Variants in RALA observed in about 807,000 individuals in gnomAD.
The protein encoded by RALA is ras-related protein Ral-A.
RALA carries 5 observed loss-of-function variants against 24.0 expected under a neutral mutation model. The observed-to-expected ratio is 0.21, with a 90% CI of 0.11 to 0.44. RALA has a LOEUF of 0.44. Ranked by LOEUF, RALA falls within the 20% of genes least tolerant of loss-of-function variation. The probability of loss-of-function intolerance (pLI) is 0.99; values close to 1 mark genes in which losing one functional copy is unlikely to be tolerated. For missense variants in RALA, 95 were observed against 241.2 expected (o/e 0.39, Z 4.01); for synonymous variants, 77 against 83.8 (o/e 0.92, Z 0.44).
At chr7:39,641,132 AG>A (rs1385173380) in intron 1 of RALA, among the ~76,000 whole-genome samples, 4 of 151,974 alleles carry the variant, frequency 2.6e-5, no homozygotes, top group Non-Finnish European at 5.9e-5. Flanking sequence ...TGGGGTAAGG[AG>A]GGGAAGGGGT....
At chr7:39,624,300 GTTTGTTTGTGT>G (rs1791438232) in intron 1 of RALA, 1 of 112,702 alleles carries the variant, frequency 8.9e-6, no homozygotes, top group Admixed American at 9.3e-5. Context: ...TGTTTGTTTT[GTTTGTTTGTGT>G]TTTTTTTTTT....
intron 1 of RALA, among the ~76,000 whole-genome samples, chr7:39,655,764 ATT>A (rs778647744): frequency 2.0e-5 from 3 of 152,260 alleles, no homozygotes; most frequent in South Asian, 4.1e-4. Context: ...ACTTGGTATC[ATT>A]GTTTCACTTT....
intron 1 of RALA, among the ~76,000 whole-genome samples, chr7:39,635,911 A>G (rs535058488): frequency 1.3e-5 from 2 of 152,302 alleles, no homozygotes; most frequent in African/African-American, 4.8e-5. Flanking sequence ...CCTGCTCTAC[A>G]GACTTGCCTA....
intron 1 of RALA, among the ~76,000 whole-genome samples, chr7:39,681,633 A>G (rs1444819722): frequency 6.6e-6 from 1 of 151,860 alleles, no homozygotes; most frequent in Non-Finnish European, 1.5e-5. Context: ...CGATTACTAG[A>G]TCTCCTGCTG....
chr7:39,664,348 T>G (rs1372592804), intron 1 of RALA, among the ~76,000 whole-genome samples: 1 of 152,210 alleles, frequency 6.6e-6, no homozygotes, highest in Admixed American at 6.5e-5. Context: ...TTTTCTGGAT[T>G]GCTTTCATCA....
At chr7:39,644,662 T>TA (rs1791894559) in intron 1 of RALA, among the ~76,000 whole-genome samples, 2 of 152,242 alleles carry the variant, frequency 1.3e-5, no homozygotes, top group Non-Finnish European at 2.9e-5. Context: ...TATTTTGCCA[T>TA]AAACAGAGTA....
chr7:39,643,899 T>C (rs1791882004), intron 1 of RALA, among the ~76,000 whole-genome samples: 1 of 152,152 alleles, frequency 6.6e-6, no homozygotes, highest in East Asian at 1.9e-4. Context: ...AGAAAGAATA[T>C]GCAGTGCTGA....
intron 1 of RALA, among the ~76,000 whole-genome samples, chr7:39,631,044 G>A (rs1236477815): frequency 4.8e-5 from 7 of 146,918 alleles, no homozygotes; most frequent in Non-Finnish European, 7.4e-5. Context: ...GTTTCACTGT[G>A]TCACCCAGGC....
chr7:39,682,874 A>C (rs1488887024), intron 1 of RALA, among the ~76,000 whole-genome samples: 2 of 152,138 alleles, frequency 1.3e-5, no homozygotes, highest in African/African-American at 4.8e-5. Context: ...TCCTGACCTC[A>C]AGTGATCCGC....
At chr7:39,630,210 ATTTTTT>A (rs57399698) in intron 1 of RALA, among the ~76,000 whole-genome samples, 2 of 100,930 alleles carry the variant, frequency 2.0e-5, no homozygotes, top group African/African-American at 3.9e-5. Context: ...TGCCTTGCTA[ATTTTTT>A]TTTTTTTTTT....
At chr7:39,643,742 G>C (rs1562609654) in intron 1 of RALA, among the ~76,000 whole-genome samples, 3 of 152,064 alleles carry the variant, frequency 2.0e-5, no homozygotes, top group Non-Finnish European at 4.4e-5. Flanking sequence ...TGTAATCCCA[G>C]CCATCTCAGG....
chr7:39,684,138 C>T (rs1187636596), intron 1 of RALA, among the ~76,000 whole-genome samples: 1 of 152,142 alleles, frequency 6.6e-6, no homozygotes, highest in Non-Finnish European at 1.5e-5. Context: ...GATAAGCACT[C>T]ACAATCTAAT....
chr7:39,683,175 T>C (rs1792636213), intron 1 of RALA, among the ~76,000 whole-genome samples: 1 of 152,096 alleles, frequency 6.6e-6, no homozygotes, highest in African/African-American at 2.4e-5. Flanking sequence ...TAAATTTCTT[T>C]TTAAAAAATA....
intron 1 of RALA, among the ~76,000 whole-genome samples, chr7:39,668,990 T>C (rs918103791): frequency 3.3e-5 from 5 of 151,958 alleles, no homozygotes; most frequent in Non-Finnish European, 7.4e-5. Context: ...GGCGGTTGCC[T>C]GTAGTCCCAG....
rs529152584 is a variant in RALA, at chr7:39,688,908, G to A, written c.115-1474G>A. Among the ~76,000 whole-genome samples the A allele has an allele frequency of 2.0e-5, 3 of 152,290 alleles. No homozygotes were observed. In the East Asian group the frequency reaches 5.8e-4, roughly 29 times the overall value. On this transcript the variant is annotated intron_variant, in intron 2 of 4. Coordinates refer to ENST00000005257, the MANE Select transcript of RALA (RefSeq NM_005402.4). The stretch of plus-strand genomic sequence containing the variant: ...GAGGCTTCAGGAGACCTGCAATTGT[G>A]GCAGAGGGTGAAGGGAAAGCAAGTG...
chr7:39,637,514 T>G (rs1004853952), intron 1 of RALA, among the ~76,000 whole-genome samples: 10 of 152,236 alleles, frequency 6.6e-5, no homozygotes, highest in African/African-American at 2.4e-4. Context: ...TTGTAAAGCT[T>G]TAAGTGGTTC....
chr7:39,631,862 A>ATC (rs1472719839), intron 1 of RALA, among the ~76,000 whole-genome samples: 3 of 152,188 alleles, frequency 2.0e-5, no homozygotes, highest in African/African-American at 7.2e-5. Context: ...TAATTCATAA[A>ATC]GGAAAGAGAT....
chr7:39,686,137 T>G (rs1161969987), intron 1 of RALA, among the ~76,000 whole-genome samples: 1 of 135,956 alleles, frequency 7.4e-6, no homozygotes, highest in South Asian at 2.3e-4. Flanking sequence ...ACCTGGGAGG[T>G]GGAGGCTACA....
intron 4 of RALA, 125 bp downstream of exon 4, chr7:39,696,984 C>T: frequency 1.1e-6 from 1 of 930,344 alleles, no homozygotes; most frequent in Non-Finnish European, 1.6e-6. Flanking sequence ...TGATTTTTAT[C>T]ATCCCTGAAT....
Sources: gnomAD v4.1 joint callset for allele counts (sites outside exome capture counted in the v4.1 genomes callset) on GRCh38, gnomAD v4.1.1 for gene constraint, MANE v1.5 for transcripts, NCBI Gene and HGNC (gene_info 2026-07-23, HGNC 2026-07-21) for gene names.